ANKRD66: variants seen among roughly 807,000 people sequenced by gnomAD.
ANKRD66 encodes ankyrin repeat domain-containing protein 66.
In ANKRD66, 10 loss-of-function variants were observed where a neutral mutation model predicts 10.9. That is an observed-to-expected ratio of 0.91 (90% confidence interval 0.56 to 1.55). ANKRD66 has a LOEUF of 1.55. Ranked by LOEUF, ANKRD66 falls within the 40% of genes most tolerant of loss-of-function variation. ANKRD66 has a pLI of 0.00. For synonymous variants in ANKRD66, 85 were observed against 88.4 expected, an observed-to-expected ratio of 0.96 and a Z score of 0.22; for missense variants, 252 against 242.9, an observed-to-expected ratio of 1.04 and a Z score of -0.25.
At chr6:46,747,973 G>C (rs1766184240) in intron 1 of ANKRD66, among the ~76,000 whole-genome samples, 1 of 152,120 alleles carries the variant, frequency 6.6e-6, no homozygotes, top group Non-Finnish European at 1.5e-5. Flanking sequence ...TGTGGCAATT[G>C]TTGTCAAGTA....
chr6:46,754,801 A>G (rs565359634), intron 4 of ANKRD66, among the ~76,000 whole-genome samples: 3 of 152,324 alleles, frequency 2.0e-5, no homozygotes, highest in East Asian at 1.9e-4. Context: ...AATGTCTTAC[A>G]TTAAAAATAT....
chr6:46,756,142 G>T, intron 4 of ANKRD66: 2 of 420,248 alleles, frequency 4.8e-6, no homozygotes, highest in Non-Finnish European at 9.4e-6. Context: ...GTTTGTATTT[G>T]CAAGATCTAA....
Position 46,759,190 on chromosome 6 carries a change from CAAT to C in ANKRD66, c.*274_*276del, listed in dbSNP as rs1766436215. ...GCATCTTTTGACCCCTGCCCCCCAA[CAAT>C]AATAGAATTTCAGGAGACAAGGAAA... is the stretch of plus-strand genomic sequence containing the variant. On this transcript the variant is annotated 3_prime_UTR_variant, in exon 5 of 5. Coordinates refer to ENST00000565422, the MANE Select transcript of ANKRD66 (RefSeq NM_001162435.3). 3.5e-6 allele frequency: 1 copy of C among 284,558 alleles called. No individual in the cohort carries two copies. The highest frequency in any genetic ancestry group is 6.5e-6 in the Non-Finnish European group (1 of 154,656). 17.6% of individuals were successfully genotyped at this position (284,558 alleles called of 1,614,324 possible). A position where few individuals can be genotyped will look rare whatever the true frequency, so the allele number is the denominator to read the frequency against.
At chr6:46,748,860 G>A (rs953593186) in intron 1 of ANKRD66, among the ~76,000 whole-genome samples, 1 of 152,208 alleles carries the variant, frequency 6.6e-6, no homozygotes, top group Non-Finnish European at 1.5e-5. Context: ...TACTCAGAGT[G>A]TGGTAAGTGA....
chr6:46,750,551 T>C (rs1220993886), intron 2 of ANKRD66, among the ~76,000 whole-genome samples: 1 of 150,850 alleles, frequency 6.6e-6, no homozygotes, highest in East Asian at 1.9e-4. Context: ...AATCTGGTTA[T>C]ACACACACAC....
chr6:46,751,797 C>T (rs866700924), intron 2 of ANKRD66, 140 bp from the exon 3 acceptor site: 20 of 817,622 alleles, frequency 2.4e-5, no homozygotes, highest in Middle Eastern at 6.3e-4. Flanking sequence ...TAAGGACACA[C>T]TCATGCCACA....
chr6:46,759,110 T>G lies in ANKRD66; in HGVS notation c.*189T>G. ...GCTAGCACCTACTGTGTACAATAAT[T>G]ACCGGGAAAGGACAAAACCTGCTTG... On this transcript the variant is annotated 3_prime_UTR_variant, in exon 5 of 5. Transcript: ENST00000565422. 1 of 449,212 alleles carries G rather than the reference T, an allele frequency of 2.2e-6. No homozygotes were observed. The highest frequency in any genetic ancestry group is 3.8e-6 in the Non-Finnish European group (1 of 262,898). The allele number at this position is 449,212 out of a possible 1,614,324, so 27.8% of individuals were successfully genotyped here. A position where few individuals can be genotyped will look rare whatever the true frequency, so the allele number is the denominator to read the frequency against.
chr6:46,752,011 C>T lies in ANKRD66; in HGVS notation c.63C>T (p.Tyr21=). The change falls in exon 3 of 5, where the codon TAC becomes TAT. Residue 21 remains tyrosine, a synonymous_variant. Transcript: ENST00000565422. ...KLHQAVAAGD[Y]SLVKKILKKG... is the part of the protein sequence containing the mutation. Reference sequence around the variant, plus strand: ...ACCAAGCTGTGGCTGCAGGAGACTACAGCTTAGTGAAGAAGATTTTGAAGA... The same window carrying T: ...ACCAAGCTGTGGCTGCAGGAGACTATAGCTTAGTGAAGAAGATTTTGAAGA... 4.6e-6 allele frequency: 7 copies of T among 1,534,838 alleles called. No individual in the cohort carries two copies. The highest frequency in any genetic ancestry group is 1.2e-5 in the South Asian group (1 of 81,580).
chr6:46,747,247 T>C (rs1729631069), intron 1 of ANKRD66, among the ~76,000 whole-genome samples: 1 of 152,180 alleles, frequency 6.6e-6, no homozygotes, highest in Admixed American at 6.5e-5. Context: ...ACAAATTGTG[T>C]TTGTTTTTGT....
In ANKRD66 at chr6:46,759,459, G is replaced by A. The variant is rs1306850747; in HGVS notation, c.*538G>A. On this transcript the variant is annotated 3_prime_UTR_variant, in exon 5 of 5. Coordinates refer to ENST00000565422, the MANE Select transcript of ANKRD66 (RefSeq NM_001162435.3). ...CTTAATATTGATTCCACATTGAAAT[G>A]ATAATATTTTGGATATTGCGTTGAA... 2 of 152,146 alleles carry A rather than the reference G, an allele frequency of 1.3e-5. No homozygotes were observed. Among genetic ancestry groups the A allele is most frequent in the Non-Finnish European group, 2.9e-5 (2 of 68,038 alleles). The allele number at this position is 152,146 out of a possible 1,614,324, so 9.4% of individuals were successfully genotyped here.
chr6:46,748,501 C>G (rs1469909871), intron 1 of ANKRD66, among the ~76,000 whole-genome samples: 2 of 152,298 alleles, frequency 1.3e-5, no homozygotes, highest in East Asian at 1.9e-4. Flanking sequence ...TAGAAACACT[C>G]TAGCATTTTT....
intron 4 of ANKRD66, chr6:46,757,049 A>G (rs938642415): frequency 6.6e-6 from 1 of 152,112 alleles, no homozygotes; most frequent in Admixed American, 6.6e-5. Context: ...CTTGCCTCCA[A>G]ATAGTGGGGA....
At chr6:46,749,553 C>CCG (rs1337084093) in intron 1 of ANKRD66, among the ~76,000 whole-genome samples, 1 of 74,136 alleles carries the variant, frequency 1.3e-5, no homozygotes, top group Non-Finnish European at 2.4e-5. Flanking sequence ...CTTTTATTCC[C>CCG]CCCCCCCCCC....
chr6:46,752,625 C>T (rs1766296013), intron 3 of ANKRD66, among the ~76,000 whole-genome samples: 1 of 152,166 alleles, frequency 6.6e-6, no homozygotes, highest in African/African-American at 2.4e-5. Flanking sequence ...GTTTATTCAC[C>T]TAAATAACGT....
chr6:46,753,938 C>T lies in ANKRD66; in HGVS notation c.380C>T (p.Ala127Val). Residue 127 changes from alanine (A) to valine (V), a missense_variant, in exon 4 of 5, where the codon GCA becomes GTA. Physicochemically the swap from Ala to Val is moderately conservative, Grantham distance 64. Transcript: ENST00000565422. Reference sequence around the variant, plus strand: ...ATCTATGGACAGAAAGCCTGTGTGGCATTTCTGGAAAAGTAAGTTTATTTT... The same window carrying T: ...ATCTATGGACAGAAAGCCTGTGTGGTATTTCTGGAAAAGTAAGTTTATTTT... ...AQIYGQKACVAFLEKAEPECQ... is the reference protein window; with the variant it reads ...AQIYGQKACVVFLEKAEPECQ... 7.7e-6 allele frequency: 12 copies of T among 1,550,764 alleles called. No individual in the cohort carries two copies. The highest frequency in any genetic ancestry group is 9.6e-6 in the Non-Finnish European group (11 of 1,146,562).
intron 4 of ANKRD66, among the ~76,000 whole-genome samples, chr6:46,754,163 T>C (rs182836775): frequency 6.6e-6 from 1 of 152,292 alleles, no homozygotes; most frequent in Admixed American, 6.5e-5. Flanking sequence ...ATTAACATGT[T>C]GTTTTGATTA....
At chr6:46,758,638 T>TG in intron 4 of ANKRD66, 85 bp from the exon 5 acceptor site, 1 of 1,340,600 alleles carries the variant, frequency 7.5e-7, no homozygotes, top group Non-Finnish European at 9.9e-7. Context: ...AACTGCGGTG[T>TG]GCAGAACCTG....
Position 46,759,031 on chromosome 6 carries a change from C to A in ANKRD66, c.*110C>A. 3 of 1,129,322 alleles carry A rather than the reference C, an allele frequency of 2.7e-6. No homozygotes were observed. Among genetic ancestry groups the A allele is most frequent in the Non-Finnish European group, 3.7e-6 (3 of 813,106 alleles). 70.0% of individuals were successfully genotyped at this position (1,129,322 alleles called of 1,614,324 possible). ...TACTCATAGACCCTTACCCACCTGGCTTCTGCCCATGGACCTGTCATTAGG... is the reference window on the plus strand; with the variant it reads ...TACTCATAGACCCTTACCCACCTGGATTCTGCCCATGGACCTGTCATTAGG... On this transcript the variant is annotated 3_prime_UTR_variant, in exon 5 of 5. Transcript: ENST00000565422.
rs887061668 is a variant in ANKRD66 at position 46,759,098 on chromosome 6, G to A, written c.*177G>A. On this transcript the variant is annotated 3_prime_UTR_variant, in exon 5 of 5. Coordinates refer to ENST00000565422, the MANE Select transcript of ANKRD66 (RefSeq NM_001162435.3). ...TGTTGTTTCCTGGCTAGCACCTACT[G>A]TGTACAATAATTACCGGGAAAGGAC... 7.9e-6 allele frequency: 4 copies of A among 508,874 alleles called. No homozygotes were observed. Among genetic ancestry groups the A allele is most frequent in the Non-Finnish European group, 1.0e-5 (3 of 299,366 alleles). The allele number at this position is 508,874 out of a possible 1,614,324, so 31.5% of individuals were successfully genotyped here. A position where few individuals can be genotyped will look rare whatever the true frequency, so the allele number is the denominator to read the frequency against.
Sources: gnomAD v4.1 joint callset for allele counts (sites outside exome capture counted in the v4.1 genomes callset) on GRCh38, gnomAD v4.1.1 for gene constraint, MANE v1.5 for transcripts, NCBI Gene and HGNC (gene_info 2026-07-23, HGNC 2026-07-21) for gene names.